HSD17B8: variants seen among roughly 807,000 people sequenced by gnomAD.
HSD17B8 encodes (3R)-3-hydroxyacyl-CoA dehydrogenase.
A neutral mutation model predicts 33.2 loss-of-function variants in HSD17B8; 23 were observed. The ratio of observed to expected loss-of-function variants is 0.69; its 90% CI spans 0.50 to 0.98. The LOEUF (loss-of-function observed/expected upper bound fraction) is 0.98, where lower values mean the gene tolerates loss of function less well. Ranked by LOEUF, HSD17B8 falls within the 50% of genes least tolerant of loss-of-function variation. HSD17B8 has a pLI of 0.00. For missense variants in HSD17B8, 345 were observed against 347.5 expected (o/e 0.99, Z 0.06); for synonymous variants, 137 against 138.6 (o/e 0.99, Z 0.08).
chr6:33,205,622 T>A lies in HSD17B8; in HGVS notation c.481-18T>A. Reference sequence around the variant, plus strand: ...CTTGAGACTCCTGACTCATTCCACATCTCTGACTCACCTATAGGTGGGGAA... The same window carrying A: ...CTTGAGACTCCTGACTCATTCCACAACTCTGACTCACCTATAGGTGGGGAA... On this transcript the variant is annotated intron_variant, in intron 4 of 8. Coordinates refer to ENST00000374662, the MANE Select transcript of HSD17B8 (RefSeq NM_014234.5). The surrounding 1 kb of genome is among the most constrained non-coding windows in gnomAD (Gnocchi z 5.0). 5.0e-6 allele frequency: 8 copies of A among 1,612,788 alleles called. No homozygotes were observed. Among genetic ancestry groups the A allele is most frequent in the Non-Finnish European group, 6.8e-6 (8 of 1,179,766 alleles).
At position 33,206,110 on chromosome 6, in the gene HSD17B8, A is replaced by G; in HGVS notation, c.652-24A>G. ...AAAAAAATCCATAAAAGAAGCTTTC[A>G]CCCACATGAGTATTTCCTTACAGAT... On this transcript the variant is annotated intron_variant, in intron 6 of 8. Transcript: ENST00000374662. This position sits in a 1 kb window ranked among gnomAD's most constrained non-coding sequence, Gnocchi z 6.2. The G allele has an allele frequency of 6.2e-7, 1 of 1,608,588 alleles. No homozygotes were observed. Among genetic ancestry groups the G allele is most frequent in the Non-Finnish European group, 8.5e-7 (1 of 1,178,198 alleles).
Position 33,206,816 on chromosome 6 carries a change from G to C in HSD17B8, c.*162G>C. The C allele has an allele frequency of 1.3e-6, 1 of 746,176 alleles. No individual in the cohort carries two copies. The highest frequency in any genetic ancestry group is 1.6e-5 in the South Asian group (1 of 62,654). The allele number at this position is 746,176 out of a possible 1,614,324, so 46.2% of individuals were successfully genotyped here. ...TGCTTGTGACCCTAATAAATTCCAA[G>C]TCCTCTTCCCTGCCACCTCCGGCTC... is the stretch of plus-strand genomic sequence containing the variant. On this transcript the variant is annotated 3_prime_UTR_variant, in exon 9 of 9. Coordinates refer to ENST00000374662, the MANE Select transcript of HSD17B8 (RefSeq NM_014234.5). The surrounding 1 kb of genome is among the most constrained non-coding windows in gnomAD (Gnocchi z 6.2).
rs753920057 is a variant in HSD17B8, at chr6:33,205,284, C to T, written c.334C>T (p.Leu112=). The T allele has an allele frequency of 1.3e-5, 21 of 1,613,338 alleles. 1 individual carries two copies. In the African/African-American group the frequency reaches 2.1e-4, roughly 16 times the overall value. ...TGCGGGCATCACCCAGGATGAGTTT[C>T]TGCTGCACATGTCTGAGGATGACTG... ...SCAGITQDEF[L]LHMSEDDWDK... Residue 112 remains leucine (L), a synonymous_variant, in exon 3 of 9, where the codon CTG becomes TTG. Transcript: ENST00000374662. The surrounding 1 kb of genome is among the most constrained non-coding windows in gnomAD (Gnocchi z 5.0).
chr6:33,205,998 A>AGAGAGAGAG lies in HSD17B8; in HGVS notation c.651+86_651+87insGAGAGAGAG. On this transcript the variant is annotated intron_variant, in intron 6 of 8. Transcript: ENST00000374662. The surrounding 1 kb of genome is among the most constrained non-coding windows in gnomAD (Gnocchi z 5.0). ...GAGAGAGAGAGAGAGAGAGAGAGAG[A>AGAGAGAGAG]ATACTGGGCACAGTTCCTGGCAAAC... The AGAGAGAGAG allele has an allele frequency of 9.0e-5, 121 of 1,342,608 alleles. No individual in the cohort carries two copies. The highest frequency in any genetic ancestry group is 3.7e-4 in the Middle Eastern group (2 of 5,440). The allele number at this position is 1,342,608 out of a possible 1,614,324, so 83.2% of individuals were successfully genotyped here.
At position 33,206,633 on chromosome 6, in the gene HSD17B8, C is replaced by T; in HGVS notation, c.770-5C>T. On this transcript the variant is annotated splice_polypyrimidine_tract_variant and splice_region_variant and intron_variant, in intron 8 of 8. Transcript: ENST00000374662. The surrounding 1 kb of genome is among the most constrained non-coding windows in gnomAD (Gnocchi z 6.2). ...CATCTGTCCAAATGTTTCTGCCCCT[C>T]CCAGGAGGTCTTTTCATGTAACTGC... 1.2e-6 allele frequency: 2 copies of T among 1,613,936 alleles called. No homozygotes were observed. Among genetic ancestry groups the T allele is most frequent in the East Asian group, 2.2e-5 (1 of 44,874 alleles).
Position 33,205,517 on chromosome 6 carries a change from ACAT to A in HSD17B8, c.461_463del (p.Ile154del). 6.2e-7 allele frequency: 1 copy of A among 1,613,040 alleles called. No homozygotes were observed. Among genetic ancestry groups the A allele is most frequent in the Non-Finnish European group, 8.5e-7 (1 of 1,179,984 alleles). ...AATGGTTGTCGTGGTTCCATCATCA[ACAT>A]CAGTAGCATCGTAGGAAAGGTCAGG... On this transcript the variant is annotated inframe_deletion, in exon 4 of 9. Transcript: ENST00000374662. The surrounding 1 kb of genome is among the most constrained non-coding windows in gnomAD (Gnocchi z 5.0).
chr6:33,205,482 C>T lies in HSD17B8; in HGVS notation c.423C>T (p.Ala141=). ...TAGTCACTCAGGCTGCAGCACAAGCCCTGGTGTCCAATGGTTGTCGTGGTT... is the reference window on the plus strand; with the variant it reads ...TAGTCACTCAGGCTGCAGCACAAGCTCTGGTGTCCAATGGTTGTCGTGGTT... ...TFLVTQAAAQ[A]LVSNGCRGSI... The change falls in exon 4 of 9, where the codon GCC becomes GCT. Residue 141 remains alanine (A), a synonymous_variant. Coordinates refer to ENST00000374662, the MANE Select transcript of HSD17B8 (RefSeq NM_014234.5). This position sits in a 1 kb window ranked among gnomAD's most constrained non-coding sequence, Gnocchi z 5.0. The T allele has an allele frequency of 6.2e-7, 1 of 1,613,148 alleles. No homozygotes were observed. Among genetic ancestry groups the T allele is most frequent in the African/African-American group, 1.3e-5 (1 of 75,030 alleles).
rs1562442707 is a variant in HSD17B8 at position 33,206,229 on chromosome 6, C to A, written c.694+53C>A. On this transcript the variant is annotated intron_variant, in intron 7 of 8. Coordinates refer to ENST00000374662, the MANE Select transcript of HSD17B8 (RefSeq NM_014234.5). This position sits in a 1 kb window ranked among gnomAD's most constrained non-coding sequence, Gnocchi z 6.2. ...GGGAAGGGGGCCTGAATGAAGAGAT[C>A]CCCAAAGTTTGGGGATTTTCTAGGG... is the stretch of plus-strand genomic sequence containing the variant. 7 of 1,594,644 alleles carry A rather than the reference C, an allele frequency of 4.4e-6. No homozygotes were observed. The East Asian group carries it at 1.3e-4, about 31-fold the overall frequency.
At chr6:33,204,862 C>T (rs547049883) in intron 1 of HSD17B8, 40 bp from the exon 2 acceptor site, 5 of 1,491,480 alleles carry the variant, frequency 3.4e-6, no homozygotes, top group Non-Finnish European at 4.5e-6. Context: ...CCTGCCCTCT[C>T]CTCCCCGTGC....
In HSD17B8 at chr6:33,205,588, G is replaced by A. The variant is rs375398823; in HGVS notation, c.480+49G>A. On this transcript the variant is annotated intron_variant, in intron 4 of 8. Coordinates refer to ENST00000374662, the MANE Select transcript of HSD17B8 (RefSeq NM_014234.5). The surrounding 1 kb of genome is among the most constrained non-coding windows in gnomAD (Gnocchi z 5.0). ...AGCCAGCCAAGTGGTATAGAGAGGA[G>A]AACCCCTCCTTGAGACTCCTGACTC... The A allele has an allele frequency of 3.1e-6, 5 of 1,611,216 alleles. No homozygotes were observed. In the African/African-American group the frequency reaches 6.7e-5, roughly 22 times the overall value.
In HSD17B8 at chr6:33,204,840, T is replaced by C. The variant is rs187291206; in HGVS notation, c.53-62T>C. ...TACCCACATTTTACTTTCTGCCCTG[T>C]GACCTCTGATCCCTGCCCTCTCCTC... On this transcript the variant is annotated intron_variant, in intron 1 of 8. Coordinates refer to ENST00000374662, the MANE Select transcript of HSD17B8 (RefSeq NM_014234.5). 3.5e-5 allele frequency: 53 copies of C among 1,520,214 alleles called. No homozygotes were observed. The East Asian group carries it at 1.2e-3, about 35-fold the overall frequency. 94.2% of individuals were successfully genotyped at this position (1,520,214 alleles called of 1,614,324 possible).
Position 33,206,017 on chromosome 6 carries a change from G to A in HSD17B8, c.651+105G>A, listed in dbSNP as rs1562442154. On this transcript the variant is annotated intron_variant, in intron 6 of 8. Transcript: ENST00000374662. This position sits in a 1 kb window ranked among gnomAD's most constrained non-coding sequence, Gnocchi z 6.2. ...AGAGAGAATACTGGGCACAGTTCCT[G>A]GCAAACATTAAATATTCAATGAATG... 1 of 1,425,900 alleles carries A rather than the reference G, an allele frequency of 7.0e-7. No homozygotes were observed. Among genetic ancestry groups the A allele is most frequent in the South Asian group, 1.2e-5 (1 of 85,112 alleles). 88.3% of individuals were successfully genotyped at this position (1,425,900 alleles called of 1,614,324 possible).
Position 33,206,457 on chromosome 6 carries a change from G to A in HSD17B8, c.769+8G>A. 6.2e-7 allele frequency: 1 copy of A among 1,611,754 alleles called. No individual in the cohort carries two copies. The highest frequency in any genetic ancestry group is 8.5e-7 in the Non-Finnish European group (1 of 1,177,868). On this transcript the variant is annotated splice_region_variant and intron_variant, in intron 8 of 8. Transcript: ENST00000374662. The surrounding 1 kb of genome is among the most constrained non-coding windows in gnomAD (Gnocchi z 6.2). ...CCTCAGTGGAAGTCACTGGTATGAG[G>A]CCAGCATGGGGAGGGAGAGGGCAGA...
rs1369559790 is a variant in HSD17B8, at chr6:33,204,954, G to A, written c.105G>A (p.Gly35=). 5 of 1,463,864 alleles carry A rather than the reference G, an allele frequency of 3.4e-6. No homozygotes were observed. Among genetic ancestry groups the A allele is most frequent in the Admixed American group, 2.7e-5 (1 of 37,284 alleles). The allele number at this position is 1,463,864 out of a possible 1,614,324, so 90.7% of individuals were successfully genotyped here. A position where few individuals can be genotyped will look rare whatever the true frequency, so the allele number is the denominator to read the frequency against. The change falls in exon 2 of 9, where the codon GGG becomes GGA. Residue 35 remains glycine (G), a synonymous_variant. Transcript: ENST00000374662. ...TCAGTGTACGCCTGGCCGGAGAGGG[G>A]GCCACCGTAGCTGCCTGCGACCTGG... ...RAVSVRLAGE[G]ATVAACDLDR...
chr6:33,206,216 T>C lies in HSD17B8; in HGVS notation c.694+40T>C, dbSNP rs763331434. On this transcript the variant is annotated intron_variant, in intron 7 of 8. Transcript: ENST00000374662. The surrounding 1 kb of genome is among the most constrained non-coding windows in gnomAD (Gnocchi z 6.2). ...TAGTGGGGTCCCTGGGAAGGGGGCCTGAATGAAGAGATCCCCAAAGTTTGG... is the reference window on the plus strand; with the variant it reads ...TAGTGGGGTCCCTGGGAAGGGGGCCCGAATGAAGAGATCCCCAAAGTTTGG... 1 of 1,603,896 alleles carries C rather than the reference T, an allele frequency of 6.2e-7. No homozygotes were observed. The highest frequency in any genetic ancestry group is 1.1e-5 in the South Asian group (1 of 90,780).
rs375398823 is a variant in HSD17B8, at chr6:33,205,588, G to C, written c.480+49G>C. 6.2e-7 allele frequency: 1 copy of C among 1,611,216 alleles called. No individual in the cohort carries two copies. The highest frequency in any genetic ancestry group is 1.7e-5 in the Admixed American group (1 of 60,000). On this transcript the variant is annotated intron_variant, in intron 4 of 8. Coordinates refer to ENST00000374662, the MANE Select transcript of HSD17B8 (RefSeq NM_014234.5). This position sits in a 1 kb window ranked among gnomAD's most constrained non-coding sequence, Gnocchi z 5.0. ...AGCCAGCCAAGTGGTATAGAGAGGA[G>C]AACCCCTCCTTGAGACTCCTGACTC...
In HSD17B8 at chr6:33,205,567, AGCC is replaced by A. The variant is rs1562440905; in HGVS notation, c.480+29_480+31del. ...CAGGTTGAGTTGGACGAGGTCAGCC[AGCC>A]AAGTGGTATAGAGAGGAGAACCCCT... On this transcript the variant is annotated intron_variant, in intron 4 of 8. Coordinates refer to ENST00000374662, the MANE Select transcript of HSD17B8 (RefSeq NM_014234.5). The surrounding 1 kb of genome is among the most constrained non-coding windows in gnomAD (Gnocchi z 5.0). The A allele has an allele frequency of 6.2e-7, 1 of 1,612,084 alleles. No homozygotes were observed. The highest frequency in any genetic ancestry group is 8.5e-7 in the Non-Finnish European group (1 of 1,179,122).
chr6:33,206,743 A>G lies in HSD17B8; in HGVS notation c.*89A>G. On this transcript the variant is annotated 3_prime_UTR_variant, in exon 9 of 9. Coordinates refer to ENST00000374662, the MANE Select transcript of HSD17B8 (RefSeq NM_014234.5). This position sits in a 1 kb window ranked among gnomAD's most constrained non-coding sequence, Gnocchi z 6.2. ...GGACTCTAAGTTCCCAGGATACAAA[A>G]GGGGTGGCAGTGTATGGTTCAGGAA... The G allele has an allele frequency of 7.4e-7, 1 of 1,359,588 alleles. No individual in the cohort carries two copies. Among genetic ancestry groups the G allele is most frequent in the Non-Finnish European group, 1.1e-6 (1 of 948,402 alleles). The allele number at this position is 1,359,588 out of a possible 1,614,324, so 84.2% of individuals were successfully genotyped here. A position where few individuals can be genotyped will look rare whatever the true frequency, so the allele number is the denominator to read the frequency against.
rs776306585 is a variant in HSD17B8, at chr6:33,204,680, GCTCCAGAA to G, written c.14_21del (p.Leu5ProfsTer68). 6.2e-7 allele frequency: 1 copy of G among 1,612,700 alleles called. No homozygotes were observed. Among genetic ancestry groups the G allele is most frequent in the Non-Finnish European group, 8.5e-7 (1 of 1,179,904 alleles). On this transcript the variant is annotated frameshift_variant, in exon 1 of 9. Coordinates refer to ENST00000374662, the MANE Select transcript of HSD17B8 (RefSeq NM_014234.5). LOFTEE classifies it high-confidence loss of function. ...ACCCACAGCCCGCCATGGCGTCTCA[GCTCCAGAA>G]CCGACTCCGCTCCGCACTGGCCTTG...
Sources: allele counts gnomAD v4.1 joint callset, GRCh38; gene constraint gnomAD v4.1.1; non-coding constraint Gnocchi (gnomAD v3.1); transcripts MANE v1.5; gene names NCBI Gene and HGNC (gene_info 2026-07-23, HGNC 2026-07-21).